The following PILRB variants were observed in gnomAD, a reference collection of about 807,000 sequenced individuals.
PILRB encodes paired immunoglobin like type 2 receptor beta.
In PILRB, 21 loss-of-function variants were observed where a neutral mutation model predicts 20.5. The observed-to-expected ratio is 1.02, with a 90% CI of 0.72 to 1.47. The LOEUF (loss-of-function observed/expected upper bound fraction) is 1.47, where lower values mean the gene tolerates loss of function less well. PILRB is among the 40% of genes most tolerant of loss of function. PILRB has a pLI of 0.00. For synonymous variants in PILRB, 133 were observed against 115.1 expected (o/e 1.16, Z -0.99); for missense variants, 253 against 272.1 (o/e 0.93, Z 0.49).
At chr7:100,363,924 C>T (rs939536391) in intron 3 of PILRB, among the ~76,000 whole-genome samples, 2 of 152,094 alleles carry the variant, frequency 1.3e-5, no homozygotes, top group African/African-American at 2.4e-5. Flanking sequence ...GCCTGACCAA[C>T]ATGGAGAAAC....
Position 100,359,443 on chromosome 7 carries a change from C to T in PILRB, c.561C>T (p.Asp187=). 1.2e-6 allele frequency: 2 copies of T among 1,614,172 alleles called. No homozygotes were observed. Among genetic ancestry groups the T allele is most frequent in the South Asian group, 1.1e-5 (1 of 91,086 alleles). ...GHSESWHLSL[D]TAIRVALAVA... ...CAGAATCATGGCACCTAAGTCTGGA[C>T]ACTGCCATCAGGGTTGCATTGGCTG... Residue 187 remains aspartate (D), a synonymous_variant, in exon 3 of 4, where the codon GAC becomes GAT. Coordinates refer to ENST00000609309, the MANE Select transcript of PILRB (RefSeq NM_178238.4).
chr7:100,359,059 C>G lies in PILRB; in HGVS notation c.434C>G (p.Thr145Ser), dbSNP rs1790451975. The G allele has an allele frequency of 6.2e-7, 1 of 1,614,098 alleles. No individual in the cohort carries two copies. Among genetic ancestry groups the G allele is most frequent in the East Asian group, 2.2e-5 (1 of 44,878 alleles). Residue 145 changes from threonine (T) to serine (S), a missense_variant, in exon 2 of 4, where the codon ACC becomes AGC. Physicochemically the swap from Thr to Ser is moderately conservative, Grantham distance 58. Coordinates refer to ENST00000609309, the MANE Select transcript of PILRB (RefSeq NM_178238.4). ...CAGCAGTTGCAGTCCATCAAGGGGA[C>G]CAAACTCACCATCACCCAGGGTGAG... ...GRQQLQSIKGTKLTITQAVTT... is the reference protein window; with the variant it reads ...GRQQLQSIKGSKLTITQAVTT...
chr7:100,360,222 C>T (rs562060891), intron 3 of PILRB, among the ~76,000 whole-genome samples: 27 of 152,342 alleles, frequency 1.8e-4, no homozygotes, highest in African/African-American at 6.5e-4. Context: ...GACTGCCCTC[C>T]TGCCACGGCC....
intron 3 of PILRB, among the ~76,000 whole-genome samples, chr7:100,360,091 T>A (rs1347436366): frequency 6.6e-6 from 1 of 152,032 alleles, no homozygotes; most frequent in Non-Finnish European, 1.5e-5. Flanking sequence ...CCAACTTCTC[T>A]CTCAGTCATC....
chr7:100,358,183 TG>T lies in PILRB; in HGVS notation c.-116del. On this transcript the variant is annotated 5_prime_UTR_variant, in exon 1 of 4. Coordinates refer to ENST00000609309, the MANE Select transcript of PILRB (RefSeq NM_178238.4). ...AAGGTCCCCGGCCCCCACAGCCCTC[TG>T]GGGAGCCTCACCCTGGCTCTCCCCA... The T allele has an allele frequency of 1.7e-6, 2 of 1,175,414 alleles. No homozygotes were observed. The highest frequency in any genetic ancestry group is 2.5e-6 in the Non-Finnish European group (2 of 798,892). The allele number at this position is 1,175,414 out of a possible 1,614,324, so 72.8% of individuals were successfully genotyped here.
At chr7:100,366,443 G>C (rs534283980) in intron 3 of PILRB, among the ~76,000 whole-genome samples, 1 of 152,150 alleles carries the variant, frequency 6.6e-6, no homozygotes, top group Non-Finnish European at 1.5e-5. Context: ...GCCCTCCCAG[G>C]AGGGGGCTGG....
chr7:100,364,384 A>G (rs189432910), intron 3 of PILRB, among the ~76,000 whole-genome samples: 108 of 152,168 alleles, frequency 7.1e-4, no homozygotes, highest in Non-Finnish European at 1.3e-3. Flanking sequence ...AGGAGAAAAC[A>G]TAGGGTGATG....
chr7:100,358,425 C>T (rs1790426044), intron 1 of PILRB, 59 bp downstream of exon 1: 1 of 1,583,326 alleles, frequency 6.3e-7, no homozygotes, highest in African/African-American at 1.3e-5. Context: ...GGGGCCAACC[C>T]AAGACAAAGG....
chr7:100,360,810 G>A (rs759164938), intron 3 of PILRB, among the ~76,000 whole-genome samples: 43 of 152,176 alleles, frequency 2.8e-4, no homozygotes, highest in Non-Finnish European at 5.4e-4. Context: ...GCAGGAAGAA[G>A]CACCCGTTTC....
intron 3 of PILRB, among the ~76,000 whole-genome samples, chr7:100,361,157 G>A (rs1226626808): frequency 1.3e-5 from 2 of 151,974 alleles, no homozygotes; most frequent in African/African-American, 2.4e-5. Flanking sequence ...GGATGGTCTC[G>A]ATCTCCTGAC....
chr7:100,362,974 G>T (rs377452588), intron 3 of PILRB, among the ~76,000 whole-genome samples: 4 of 151,958 alleles, frequency 2.6e-5, no homozygotes, highest in African/African-American at 9.7e-5. Flanking sequence ...AAGGATGCCC[G>T]ATCTCACTAC....
intron 1 of PILRB, 88 bp downstream of exon 1, chr7:100,358,454 G>A (rs1584195571): frequency 6.6e-7 from 1 of 1,504,644 alleles, no homozygotes; most frequent in East Asian, 2.3e-5. Context: ...CTGGGGCAGG[G>A]GCCAGGCTCC....
chr7:100,364,178 AGATAGTCAAAT>A (rs1563110311), intron 3 of PILRB, among the ~76,000 whole-genome samples: 1 of 152,062 alleles, frequency 6.6e-6, no homozygotes, highest in African/African-American at 2.4e-5. Flanking sequence ...ACCCTCACAT[AGATAGTCAAAT>A]GATCCTCAAC....
chr7:100,364,724 C>T (rs1015712130), intron 3 of PILRB, among the ~76,000 whole-genome samples: 6 of 152,196 alleles, frequency 3.9e-5, no homozygotes, highest in African/African-American at 1.4e-4. Context: ...CAATTGAAAG[C>T]AGGGTCAGGA....
Position 100,367,593 on chromosome 7 carries a change from C to T in PILRB, c.*216C>T. On this transcript the variant is annotated 3_prime_UTR_variant, in exon 4 of 4. Coordinates refer to ENST00000609309, the MANE Select transcript of PILRB (RefSeq NM_178238.4). ...ACAAGAGCCTTCATCCAGGAGCATC[C>T]ACACTGCAATGATATAGGAATGAGG... The T allele has an allele frequency of 1.7e-6, 1 of 590,274 alleles. No homozygotes were observed. The highest frequency in any genetic ancestry group is 2.1e-5 in the South Asian group (1 of 47,790). The allele number at this position is 590,274 out of a possible 1,614,324, so 36.6% of individuals were successfully genotyped here.
chr7:100,362,673 T>C (rs1790561982), intron 3 of PILRB, among the ~76,000 whole-genome samples: 1 of 152,094 alleles, frequency 6.6e-6, no homozygotes, highest in Admixed American at 6.6e-5. Flanking sequence ...TATGCCCGGC[T>C]AATTTTTGTA....
intron 3 of PILRB, among the ~76,000 whole-genome samples, chr7:100,360,413 A>G (rs1790494008): frequency 6.6e-6 from 1 of 152,228 alleles, no homozygotes; most frequent in Non-Finnish European, 1.5e-5. Flanking sequence ...AGGAGGTGGC[A>G]TCTGCAGATG....
In PILRB at chr7:100,367,722, T is replaced by TAA; in HGVS notation, c.*345_*346insAA. Reference sequence around the variant, plus strand: ...CAAGGATGGAAAAATACAATTTATTTTGCTTACCATACACCCCTTTTCTCC... The same window carrying TAA: ...CAAGGATGGAAAAATACAATTTATTTAATGCTTACCATACACCCCTTTTCTCC... On this transcript the variant is annotated 3_prime_UTR_variant, in exon 4 of 4. Transcript: ENST00000609309. The TAA allele has an allele frequency of 3.6e-6, 1 of 280,934 alleles. No individual in the cohort carries two copies. The highest frequency in any genetic ancestry group is 6.8e-6 in the Non-Finnish European group (1 of 148,042). 17.4% of individuals were successfully genotyped at this position (280,934 alleles called of 1,614,324 possible).
At chr7:100,359,221 C>T in intron 2 of PILRB, 116 bp from the exon 3 acceptor site, 5 of 1,500,026 alleles carry the variant, frequency 3.3e-6, no homozygotes, top group Non-Finnish European at 4.6e-6. Flanking sequence ...GTCTGGGCTT[C>T]TGAGAGCAGC....
Sources: allele counts gnomAD v4.1 joint callset (sites outside exome capture counted in the v4.1 genomes callset), GRCh38; gene constraint gnomAD v4.1.1; transcripts MANE v1.5; gene names NCBI Gene and HGNC (gene_info 2026-07-23, HGNC 2026-07-21).